Variants in CYP27A1 observed in about 807,000 individuals in gnomAD.
CYP27A1 encodes the protein cytochrome P450 family 27 subfamily A member 1, also known as sterol 26-hydroxylase, mitochondrial.
Under a neutral mutation model 58.2 loss-of-function variants are expected in CYP27A1, and 46 were observed. That is an observed-to-expected ratio of 0.79 (90% confidence interval 0.62 to 1.01). The LOEUF is 1.01. Ranked by LOEUF, CYP27A1 falls within the 50% of genes least tolerant of loss-of-function variation. The pLI is 0.00. For missense variants in CYP27A1, 704 were observed against 687.0 expected (o/e 1.02, Z -0.28); for synonymous variants, 274 against 285.1 (o/e 0.96, Z 0.39).
At chr2:218,806,728 T>C (rs1425640022) in intron 1 of CYP27A1, among the ~76,000 whole-genome samples, 1 of 152,202 alleles carries the variant, frequency 6.6e-6, no homozygotes, top group Non-Finnish European at 1.5e-5. Context: ...TAAAGTGACC[T>C]TGAGCAACTT....
intron 1 of CYP27A1, among the ~76,000 whole-genome samples, chr2:218,783,009 C>T (rs762083702): frequency 3.9e-5 from 6 of 152,058 alleles, no homozygotes; most frequent in Non-Finnish European, 5.9e-5. Context: ...GTAATCTCAG[C>T]ACCTTGGGAG....
chr2:218,806,951 ATT>A (rs10647379), intron 1 of CYP27A1, among the ~76,000 whole-genome samples: 5 of 100,486 alleles, frequency 5.0e-5, no homozygotes, highest in Admixed American at 1.2e-4. Flanking sequence ...CTCCTAGGGA[ATT>A]TTTTTTTTTT....
At position 218,814,296 on chromosome 2, in the gene CYP27A1, G is replaced by C. The variant is rs917554209; in HGVS notation, c.1185-84G>C. 4.4e-6 allele frequency: 7 copies of C among 1,597,298 alleles called. No individual in the cohort carries two copies. The African/African-American group carries it at 9.4e-5, about 21-fold the overall frequency. ...GGGCTGGGGCTAGTGACAAGGATGAGATGGGAGAGGTAGGGGAGAAGGAGT... is the reference window on the plus strand; with the variant it reads ...GGGCTGGGGCTAGTGACAAGGATGACATGGGAGAGGTAGGGGAGAAGGAGT... On this transcript the variant is annotated intron_variant, in intron 6 of 8. Coordinates refer to ENST00000258415, the MANE Select transcript of CYP27A1 (RefSeq NM_000784.4).
chr2:218,799,497 C>T (rs1335603703), intron 1 of CYP27A1, among the ~76,000 whole-genome samples: 1 of 152,072 alleles, frequency 6.6e-6, no homozygotes, highest in Non-Finnish European at 1.5e-5. Flanking sequence ...CCTCAAACTC[C>T]CCTCCCCAAT....
rs559367598 is a variant in CYP27A1, at chr2:218,810,954, T to C, written c.446+1187T>C. On this transcript the variant is annotated intron_variant, in intron 2 of 8. Transcript: ENST00000258415. ...TGAGGTCAGGAGATCAAGACCATCC[T>C]GGCTAACACGGTGAAACCCCGACTC... Among the ~76,000 whole-genome samples, 5 of 152,206 alleles carry C rather than the reference T, an allele frequency of 3.3e-5. No homozygotes were observed. In the South Asian group the frequency reaches 1.0e-3, roughly 32 times the overall value.
chr2:218,791,428 G>A (rs1240525531), intron 1 of CYP27A1, among the ~76,000 whole-genome samples: 1 of 152,164 alleles, frequency 6.6e-6, no homozygotes, highest in Non-Finnish European at 1.5e-5. Context: ...TACACCCCAT[G>A]AGTGCACACA....
Position 218,782,213 on chromosome 2 carries a change from T to G in CYP27A1, c.31T>G (p.Trp11Gly), listed in dbSNP as rs1209215033. The G allele has an allele frequency of 6.5e-7, 1 of 1,539,718 alleles. No individual in the cohort carries two copies. The highest frequency in any genetic ancestry group is 1.2e-5 in the South Asian group (1 of 84,024). The change falls in exon 1 of 9, where the codon TGG (tryptophan) becomes GGG (glycine). Residue 11 changes from tryptophan (W) to glycine (G), a missense_variant. Trp to Gly is a radical substitution (Grantham distance 184). Coordinates refer to ENST00000258415, the MANE Select transcript of CYP27A1 (RefSeq NM_000784.4). This position sits in a 1 kb window ranked among gnomAD's most constrained non-coding sequence, Gnocchi z 4.1. ...TGCGCTGGGCTGCGCGAGGCTGAGG[T>G]GGGCGCTGCGAGGGGCCGGCCGTGG... MAALGCARLR[W>G]ALRGAGRGLC...
intron 1 of CYP27A1, among the ~76,000 whole-genome samples, chr2:218,785,548 G>A (rs1943433465): frequency 6.6e-6 from 1 of 152,068 alleles, no homozygotes; most frequent in Non-Finnish European, 1.5e-5. Flanking sequence ...TTAGGATGAT[G>A]TCTAGAGCAG....
At chr2:218,802,219 G>A (rs955800018) in intron 1 of CYP27A1, among the ~76,000 whole-genome samples, 2 of 151,788 alleles carry the variant, frequency 1.3e-5, no homozygotes, top group Admixed American at 6.6e-5. Flanking sequence ...CGTGCGTCAC[G>A]GATAAGAACC....
intron 1 of CYP27A1, among the ~76,000 whole-genome samples, chr2:218,796,562 C>A (rs1481868003): frequency 6.6e-6 from 1 of 152,148 alleles, no homozygotes; most frequent in Non-Finnish European, 1.5e-5. Context: ...CCACTGCACT[C>A]CAGCCTGGGC....
At chr2:218,802,938 TTTAA>T (rs1393107724) in intron 1 of CYP27A1, among the ~76,000 whole-genome samples, 3 of 152,198 alleles carry the variant, frequency 2.0e-5, no homozygotes, top group Non-Finnish European at 2.9e-5. Flanking sequence ...TCTTTGCTTA[TTTAA>T]TTAATTAATT....
chr2:218,799,293 T>C (rs1015512595), intron 1 of CYP27A1, among the ~76,000 whole-genome samples: 2 of 152,090 alleles, frequency 1.3e-5, no homozygotes, highest in African/African-American at 4.8e-5. Flanking sequence ...TTATCAGACC[T>C]TGCTGTGATA....
intron 1 of CYP27A1, 90 bp from the exon 2 acceptor site, chr2:218,809,487 T>C: frequency 1.3e-6 from 1 of 792,010 alleles, no homozygotes; most frequent in Non-Finnish European, 2.1e-6. Context: ...TGCTCTTGTG[T>C]AGCCATCAGA....
At chr2:218,809,376 A>G (rs1317611260) in intron 1 of CYP27A1, among the ~76,000 whole-genome samples, 3 of 144,892 alleles carry the variant, frequency 2.1e-5, no homozygotes, top group Admixed American at 1.4e-4. Context: ...TTGTGTGCCC[A>G]TTTTTTAAAT....
chr2:218,805,243 C>A (rs1943639177), intron 1 of CYP27A1, among the ~76,000 whole-genome samples: 1 of 152,194 alleles, frequency 6.6e-6, no homozygotes. Flanking sequence ...CTACTGTTAA[C>A]AAGTTTCCTA....
intron 1 of CYP27A1, among the ~76,000 whole-genome samples, chr2:218,799,379 C>A (rs1471069148): frequency 6.6e-6 from 1 of 152,126 alleles, no homozygotes; most frequent in Non-Finnish European, 1.5e-5. Flanking sequence ...TTACCTACAC[C>A]CTCCTGTAAG....
At chr2:218,810,082 C>G (rs1008679400) in intron 2 of CYP27A1, among the ~76,000 whole-genome samples, 8 of 152,104 alleles carry the variant, frequency 5.3e-5, no homozygotes, top group African/African-American at 1.9e-4. Context: ...GGTTCGAGAT[C>G]AGCTTGGCCA....
At position 218,809,652 on chromosome 2, in the gene CYP27A1, G is replaced by T. The variant is rs758419670; in HGVS notation, c.331G>T (p.Ala111Ser). 1 of 1,614,130 alleles carries T rather than the reference G, an allele frequency of 6.2e-7. No homozygotes were observed. Among genetic ancestry groups the T allele is most frequent in the Non-Finnish European group, 8.5e-7 (1 of 1,180,016 alleles). Residue 111 changes from alanine to serine, a missense_variant, in exon 2 of 9, where the codon GCC becomes TCC. Coordinates refer to ENST00000258415, the MANE Select transcript of CYP27A1 (RefSeq NM_000784.4). ...GPQMHVNLAS[A>S]PLLEQVMRQE... is the part of the protein sequence containing the mutation. The stretch of plus-strand genomic sequence containing the variant: ...TCAGATGCACGTGAACCTGGCCAGT[G>T]CCCCGCTCTTGGAGCAAGTGATGCG...
chr2:218,786,793 TC>T (rs1404475474), intron 1 of CYP27A1, among the ~76,000 whole-genome samples: 7 of 151,876 alleles, frequency 4.6e-5, no homozygotes, highest in African/African-American at 1.7e-4. Context: ...TATTTCTCTT[TC>T]TTTTTTTTTT....
Sources: allele counts gnomAD v4.1 joint callset (sites outside exome capture counted in the v4.1 genomes callset), GRCh38; gene constraint gnomAD v4.1.1; non-coding constraint Gnocchi (gnomAD v3.1); transcripts MANE v1.5; gene names NCBI Gene and HGNC (gene_info 2026-07-23, HGNC 2026-07-21).